Variants in TET1 observed in about 807,000 individuals in gnomAD.
TET1 encodes methylcytosine dioxygenase TET1.
A neutral mutation model predicts 148.7 loss-of-function variants in TET1; 13 were observed. The observed-to-expected ratio is 0.09, with a 90% CI of 0.06 to 0.14. TET1 has a LOEUF of 0.14. TET1 is among the 10% of genes least tolerant of loss of function. The pLI is 1.00. For missense variants in TET1, 2,182 were observed against 2,553.8 expected (o/e 0.85, Z 3.14); for synonymous variants, 907 against 937.2 (o/e 0.97, Z 0.59).
At chr10:68,563,038 C>T (rs1340620648) in intron 1 of TET1, among the ~76,000 whole-genome samples, 1 of 151,786 alleles carries the variant, frequency 6.6e-6, no homozygotes, top group African/African-American at 2.4e-5. Flanking sequence ...TCTTCCTTCT[C>T]TTGCTTTTTC....
At chr10:68,632,893 T>G (rs2133035856) in intron 3 of TET1, among the ~76,000 whole-genome samples, 2 of 147,120 alleles carry the variant, frequency 1.4e-5, no homozygotes, top group Middle Eastern at 7.1e-3. Flanking sequence ...AGATTTGTCA[T>G]AGGAAGAATC....
chr10:68,667,137 C>T lies in TET1; in HGVS notation c.4554C>T (p.Leu1518=), dbSNP rs191530714. ...HHCPTAVMVV[L]IMVWDGIPLP... ...GTCCAACTGCTGTGATGGTGGTGCT[C>T]ATCATGGTGTGGGATGGCATCCCTC... The change falls in exon 7 of 12, where the codon CTC becomes CTT. Residue 1518 remains leucine (L), a synonymous_variant. Coordinates refer to ENST00000373644, the MANE Select transcript of TET1 (RefSeq NM_030625.3). 1.2e-6 allele frequency: 2 copies of T among 1,614,170 alleles called. No individual in the cohort carries two copies. Among genetic ancestry groups the T allele is most frequent in the Admixed American group, 1.7e-5 (1 of 60,008 alleles).
At chr10:68,639,909 CTAT>C (rs1247845663) in intron 3 of TET1, among the ~76,000 whole-genome samples, 2 of 152,066 alleles carry the variant, frequency 1.3e-5, no homozygotes, top group African/African-American at 4.8e-5. Context: ...TTCTGCAATC[CTAT>C]TAGTGTTAAA....
rs1313616897 is a variant in TET1, at chr10:68,572,623, G to A, written c.285G>A (p.Glu95=). The change falls in exon 2 of 12, where the codon GAG becomes GAA. Residue 95 remains glutamate, a synonymous_variant. Transcript: ENST00000373644. ...DRTEVLFQNP[E]SLTCNGFTMA... The stretch of plus-strand genomic sequence containing the variant: ...CTGAGGTTCTTTTTCAGAACCCAGA[G>A]TCCTTAACCTGCAATGGGTTTACAA... The A allele has an allele frequency of 6.2e-7, 1 of 1,614,030 alleles. No individual in the cohort carries two copies. Among genetic ancestry groups the A allele is most frequent in the Non-Finnish European group, 8.5e-7 (1 of 1,180,028 alleles).
Position 68,564,380 on chromosome 10 carries a change from C to G in TET1, c.-123+3638C>G, listed in dbSNP as rs1281637265. On this transcript the variant is annotated intron_variant, in intron 1 of 11. Coordinates refer to ENST00000373644, the MANE Select transcript of TET1 (RefSeq NM_030625.3). ...GCCAGGCTGGTTTCGAACTCCTGAC[C>G]TCAAGTGATCCACCTGCCTCAGCTT... Among the ~76,000 whole-genome samples the G allele has an allele frequency of 2.6e-5, 4 of 152,122 alleles. No homozygotes were observed. The East Asian group carries it at 5.8e-4, about 22-fold the overall frequency.
intron 9 of TET1, 146 bp from the exon 10 acceptor site, chr10:68,682,690 A>C: frequency 1.1e-6 from 1 of 898,264 alleles, no homozygotes; most frequent in Non-Finnish European, 1.6e-6. Flanking sequence ...GCTAAGCTAC[A>C]CCTTCATGAC....
chr10:68,688,973 A>G (rs948289197), intron 11 of TET1, among the ~76,000 whole-genome samples: 7 of 152,250 alleles, frequency 4.6e-5, no homozygotes, highest in African/African-American at 1.7e-4. Context: ...AGGCATTTAT[A>G]TAATGCTGAA....
In TET1 at chr10:68,608,828, G is replaced by A. The variant is rs187623626; in HGVS notation, c.1968+7794G>A. Among the ~76,000 whole-genome samples the A allele has an allele frequency of 1.7e-4, 26 of 151,988 alleles. No individual in the cohort carries two copies. In the East Asian group the frequency reaches 4.3e-3, roughly 25 times the overall value. ...TGGGATTACAGGCATGAGCCAACAT[G>A]CCCAGCCATATTTATTTTTTAATTA... On this transcript the variant is annotated intron_variant, in intron 3 of 11. Coordinates refer to ENST00000373644, the MANE Select transcript of TET1 (RefSeq NM_030625.3).
rs1382253814 is a variant in TET1, at chr10:68,574,002, A to G, written c.1664A>G (p.His555Arg). Reference sequence around the variant, plus strand: ...CAGGTCAGTGTAACCAGCACAGTTCATGTTGTCAACACCACAGTGGTGACT... The same window carrying G: ...CAGGTCAGTGTAACCAGCACAGTTCGTGTTGTCAACACCACAGTGGTGACT... ...SSQVSVTSTV[H>R]VVNTTVVTMP... Residue 555 changes from histidine (H) to arginine (R), a missense_variant, in exon 2 of 12, where the codon CAT (histidine) becomes CGT (arginine). By Grantham distance (29) the His-to-Arg change is conservative. Around this residue, in one of 11 missense-constraint regions of TET1, gnomAD observed 665 missense variants for 672.4 expected, o/e 0.99. Transcript: ENST00000373644. The G allele has an allele frequency of 6.2e-7, 1 of 1,614,128 alleles. No individual in the cohort carries two copies. The highest frequency in any genetic ancestry group is 2.2e-5 in the East Asian group (1 of 44,864).
At chr10:68,590,773 C>T (rs1433555301) in intron 2 of TET1, among the ~76,000 whole-genome samples, 1 of 152,066 alleles carries the variant, frequency 6.6e-6, no homozygotes, top group African/African-American at 2.4e-5. Context: ...CCCTGGGTGA[C>T]AGAGCAAGGC....
At chr10:68,575,749 C>T (rs936653671) in intron 2 of TET1, among the ~76,000 whole-genome samples, 10 of 147,410 alleles carry the variant, frequency 6.8e-5, no homozygotes, top group Non-Finnish European at 1.3e-4. Context: ...AGGCCGGGCG[C>T]GGTGGCTCAC....
intron 1 of TET1, 22 bp from the exon 2 acceptor site, chr10:68,572,195 G>T (rs1462151262): frequency 1.6e-6 from 1 of 638,468 alleles, no homozygotes; most frequent in Admixed American, 3.1e-5. Context: ...ACTCACTTCA[G>T]TGTATTCTGT....
chr10:68,684,391 T>TG (rs67029347), intron 10 of TET1, among the ~76,000 whole-genome samples: 13,146 of 150,566 alleles, frequency 0.087, 769 homozygotes, highest in South Asian at 0.16. Context: ...TTTTTTTTTT[T>TG]GCGTATCATT....
At chr10:68,621,173 T>G (rs2132968879) in intron 3 of TET1, among the ~76,000 whole-genome samples, 1 of 152,344 alleles carries the variant, frequency 6.6e-6, no homozygotes, top group East Asian at 1.9e-4. Flanking sequence ...TGGTGGCTCA[T>G]GCTTGTAATC....
At chr10:68,591,383 T>C (rs961152690) in intron 2 of TET1, among the ~76,000 whole-genome samples, 39 of 152,188 alleles carry the variant, frequency 2.6e-4, no homozygotes, top group African/African-American at 7.7e-4. Flanking sequence ...TCCTCGAACA[T>C]AGCTGTTGTT....
chr10:68,609,846 G>A (rs72797585), intron 3 of TET1, among the ~76,000 whole-genome samples: 15,777 of 151,868 alleles, frequency 0.1, 1,126 homozygotes, highest in Middle Eastern at 0.18. Context: ...GGAGTTGGGT[G>A]AATTATTTAA....
At chr10:68,660,042 T>G (rs1222820773) in intron 6 of TET1, among the ~76,000 whole-genome samples, 1 of 152,198 alleles carries the variant, frequency 6.6e-6, no homozygotes, top group East Asian at 1.9e-4. Context: ...CTTACATGAT[T>G]ATTGATGAAA....
At chr10:68,687,044 C>T (rs977159888) in intron 11 of TET1, among the ~76,000 whole-genome samples, 1 of 151,940 alleles carries the variant, frequency 6.6e-6, no homozygotes, top group Non-Finnish European at 1.5e-5. Flanking sequence ...CCCGCCACCA[C>T]GCCCAGCTAA....
intron 11 of TET1, 100 bp downstream of exon 11, chr10:68,686,807 T>C: frequency 9.4e-7 from 1 of 1,069,278 alleles, no homozygotes; most frequent in Non-Finnish European, 1.3e-6. Flanking sequence ...ACTAAGACAC[T>C]GAATATATTT....
Sources: gnomAD v4.1 joint callset for allele counts (sites outside exome capture counted in the v4.1 genomes callset) on GRCh38, gnomAD v4.1.1 for gene constraint, gnomAD v4.1.1 regional missense constraint, MANE v1.5 for transcripts, NCBI Gene and HGNC (gene_info 2026-07-23, HGNC 2026-07-21) for gene names.